TMCC1: variants seen among roughly 807,000 people sequenced by gnomAD.
TMCC1 encodes the protein transmembrane and coiled-coil domains protein 1.
Under a neutral mutation model 52.4 loss-of-function variants are expected in TMCC1, and 15 were observed. The ratio of observed to expected loss-of-function variants is 0.29; its 90% CI spans 0.19 to 0.44. The LOEUF is 0.44. Among genes scored for constraint, TMCC1 ranks in the 20% least tolerant of loss-of-function variants. The pLI is 1.00. For missense variants in TMCC1, 503 were observed against 806.0 expected (o/e 0.62, Z 4.55); for synonymous variants, 279 against 301.9 (o/e 0.92, Z 0.79).
chr3:129,714,424 GATC>G (rs1453870211), intron 4 of TMCC1, among the ~76,000 whole-genome samples: 1 of 152,148 alleles, frequency 6.6e-6, no homozygotes, highest in Non-Finnish European at 1.5e-5. Flanking sequence ...ATTAAAATGA[GATC>G]ATATTTTCAC....
At chr3:129,748,831 T>G (rs1395098285) in intron 4 of TMCC1, among the ~76,000 whole-genome samples, 1 of 151,888 alleles carries the variant, frequency 6.6e-6, no homozygotes, top group Non-Finnish European at 1.5e-5. Context: ...GGCAAAACAC[T>G]GTCTCTACTA....
chr3:129,863,692 T>A (rs1438875169), intron 2 of TMCC1, among the ~76,000 whole-genome samples: 2 of 151,956 alleles, frequency 1.3e-5, no homozygotes, highest in Non-Finnish European at 2.9e-5. Context: ...TGAAACCCCG[T>A]CTCTACTAAA....
At chr3:129,771,791 A>AG (rs2054598720) in intron 4 of TMCC1, among the ~76,000 whole-genome samples, 1 of 146,410 alleles carries the variant, frequency 6.8e-6, no homozygotes. Flanking sequence ...AAAAAAAAAA[A>AG]AAAAAAAAGA....
chr3:129,704,285 A>G (rs2048050461), intron 4 of TMCC1, among the ~76,000 whole-genome samples: 2 of 152,258 alleles, frequency 1.3e-5, no homozygotes, highest in Admixed American at 6.5e-5. Flanking sequence ...TGATCCAAAG[A>G]AAAGGATCTT....
At chr3:129,660,304 C>T (rs1266744339) in intron 5 of TMCC1, among the ~76,000 whole-genome samples, 3 of 151,980 alleles carry the variant, frequency 2.0e-5, no homozygotes, top group Non-Finnish European at 4.4e-5. Flanking sequence ...TGTGCCACCA[C>T]GCCCGGTTAA....
intron 4 of TMCC1, among the ~76,000 whole-genome samples, chr3:129,726,899 G>T (rs202042662): frequency 1.8e-4 from 9 of 50,588 alleles, no homozygotes; most frequent in Admixed American, 8.4e-4. Context: ...AAAAAAAAAA[G>T]AACCACTGTT....
At chr3:129,652,846 G>A (rs2086427363) in intron 6 of TMCC1, among the ~76,000 whole-genome samples, 1 of 152,186 alleles carries the variant, frequency 6.6e-6, no homozygotes, top group Non-Finnish European at 1.5e-5. Context: ...TACTTTCCAT[G>A]TGTTGATTTA....
chr3:129,816,981 C>G (rs180995190), intron 4 of TMCC1, among the ~76,000 whole-genome samples: 1 of 152,032 alleles, frequency 6.6e-6, no homozygotes, highest in East Asian at 1.9e-4. Context: ...TGAGCTATGA[C>G]TGTACCACTG....
At chr3:129,768,597 T>G (rs2054308665) in intron 4 of TMCC1, among the ~76,000 whole-genome samples, 1 of 152,166 alleles carries the variant, frequency 6.6e-6, no homozygotes, top group Non-Finnish European at 1.5e-5. Context: ...AGCACTAAAT[T>G]GCAAAGAAAA....
chr3:129,865,331 T>TA (rs1002255421), intron 2 of TMCC1, among the ~76,000 whole-genome samples: 8 of 151,534 alleles, frequency 5.3e-5, no homozygotes, highest in African/African-American at 2.4e-5. Flanking sequence ...TTTTTTTTTT[T>TA]ATAGAGACGG....
At chr3:129,678,462 G>A (rs1028151437) in intron 4 of TMCC1, among the ~76,000 whole-genome samples, 2 of 143,440 alleles carry the variant, frequency 1.4e-5, no homozygotes, top group African/African-American at 5.2e-5. Flanking sequence ...CTGAGTTCAA[G>A]CAATTCTTCT....
At chr3:129,683,360 C>T (rs888525748) in intron 4 of TMCC1, among the ~76,000 whole-genome samples, 1 of 152,162 alleles carries the variant, frequency 6.6e-6, no homozygotes, top group South Asian at 2.1e-4. Context: ...GTTTGGCACC[C>T]AACCGTATTA....
chr3:129,749,072 C>A (rs1415713431), intron 4 of TMCC1, among the ~76,000 whole-genome samples: 1 of 151,894 alleles, frequency 6.6e-6, no homozygotes, highest in Admixed American at 6.6e-5. Context: ...AATGAGTTGT[C>A]AATAAGGAAA....
At chr3:129,737,717 C>G (rs1194591631) in intron 4 of TMCC1, among the ~76,000 whole-genome samples, 2 of 152,104 alleles carry the variant, frequency 1.3e-5, no homozygotes, top group Admixed American at 1.3e-4. Flanking sequence ...GACACACACC[C>G]CAAAATACTT....
chr3:129,748,432 C>T (rs749076306), intron 4 of TMCC1, among the ~76,000 whole-genome samples: 4 of 152,044 alleles, frequency 2.6e-5, no homozygotes, highest in South Asian at 2.1e-4. Context: ...GGATTACAGG[C>T]GCCTGCCATC....
chr3:129,782,278 C>T (rs2055596829), intron 4 of TMCC1, among the ~76,000 whole-genome samples: 1 of 151,950 alleles, frequency 6.6e-6, no homozygotes, highest in Admixed American at 6.6e-5. Context: ...GCCTAGGCCA[C>T]AGCAATATTA....
At chr3:129,808,084 C>T (rs1295752143) in intron 4 of TMCC1, among the ~76,000 whole-genome samples, 4 of 102,094 alleles carry the variant, frequency 3.9e-5, no homozygotes, top group Non-Finnish European at 7.6e-5. Context: ...TTGGGAGGAT[C>T]GCTTGAAACT....
At chr3:129,682,905 G>A (rs748256550) in intron 4 of TMCC1, among the ~76,000 whole-genome samples, 2 of 152,046 alleles carry the variant, frequency 1.3e-5, no homozygotes. Context: ...GCGCGATCTC[G>A]GCTCACCGCA....
chr3:129,665,487 C>T (rs2087379427), intron 5 of TMCC1, among the ~76,000 whole-genome samples: 1 of 152,164 alleles, frequency 6.6e-6, no homozygotes, highest in Non-Finnish European at 1.5e-5. Context: ...AAGGTTTCAC[C>T]TATTTATTTA....
Sources: allele counts gnomAD v4.1 joint callset (sites outside exome capture counted in the v4.1 genomes callset), GRCh38; gene constraint gnomAD v4.1.1; transcripts MANE v1.5; gene names NCBI Gene and HGNC (gene_info 2026-07-23, HGNC 2026-07-21).